The following CDYL variants were observed in gnomAD, a reference collection of about 807,000 sequenced individuals.
CDYL encodes chromodomain Y like.
CDYL carries 8 observed loss-of-function variants against 47.3 expected under a neutral mutation model. The ratio of observed to expected loss-of-function variants is 0.17; its 90% CI spans 0.10 to 0.31. The LOEUF is 0.31. CDYL is among the 10% of genes least tolerant of loss of function. The pLI, the probability that CDYL is intolerant of heterozygous loss-of-function variation, is 1.00. For synonymous variants in CDYL, 266 were observed against 265.0 expected, an observed-to-expected ratio of 1.00 and a Z score of -0.04; for missense variants, 471 against 701.4, an observed-to-expected ratio of 0.67 and a Z score of 3.71.
chr6:4,730,486 C>T (rs1219691739), intron 2 of CDYL, among the ~76,000 whole-genome samples: 4 of 151,884 alleles, frequency 2.6e-5, no homozygotes, highest in African/African-American at 9.7e-5. Context: ...ACCAGCCTGA[C>T]CAACATGGTG....
At chr6:4,845,531 T>A (rs747558546) in intron 1 of CDYL, among the ~76,000 whole-genome samples, 1 of 152,218 alleles carries the variant, frequency 6.6e-6, no homozygotes, top group Non-Finnish European at 1.5e-5. Flanking sequence ...TTATTAACAG[T>A]AGTGTTTAAC....
chr6:4,814,828 T>C (rs927251067), intron 1 of CDYL, among the ~76,000 whole-genome samples: 3 of 152,050 alleles, frequency 2.0e-5, no homozygotes, highest in Admixed American at 6.6e-5. Context: ...CAGCCCAAAT[T>C]TAGGATTGAG....
At chr6:4,931,325 G>A (rs1379635031) in intron 2 of CDYL, among the ~76,000 whole-genome samples, 1 of 152,196 alleles carries the variant, frequency 6.6e-6, no homozygotes, top group Non-Finnish European at 1.5e-5. Context: ...AAATAAACCA[G>A]GGTGATATGA....
At chr6:4,725,849 G>A (rs1757502905) in intron 2 of CDYL, among the ~76,000 whole-genome samples, 2 of 152,334 alleles carry the variant, frequency 1.3e-5, no homozygotes, top group South Asian at 2.1e-4. Flanking sequence ...AACAAACTCC[G>A]GACACGCTGT....
At chr6:4,725,251 G>C (rs892824469) in intron 2 of CDYL, among the ~76,000 whole-genome samples, 1 of 152,230 alleles carries the variant, frequency 6.6e-6, no homozygotes, top group Non-Finnish European at 1.5e-5. Context: ...AGAATCAGGA[G>C]CCCAGCTGGC....
intron 1 of CDYL, among the ~76,000 whole-genome samples, chr6:4,878,703 AAAT>A (rs1263614323): frequency 6.6e-6 from 1 of 151,978 alleles, no homozygotes; most frequent in Non-Finnish European, 1.5e-5. Flanking sequence ...ATATCAATTT[AAAT>A]AATATTCCAA....
chr6:4,801,695 C>T (rs1176424393), intron 1 of CDYL, among the ~76,000 whole-genome samples: 2 of 152,156 alleles, frequency 1.3e-5, no homozygotes, highest in Non-Finnish European at 2.9e-5. Flanking sequence ...ATGGACTTTT[C>T]TCTGTGGTTG....
intron 1 of CDYL, among the ~76,000 whole-genome samples, chr6:4,822,235 G>T (rs1451977731): frequency 6.6e-6 from 1 of 152,030 alleles, no homozygotes; most frequent in East Asian, 1.9e-4. Context: ...CTGGGCTCAG[G>T]TGATTCACCC....
chr6:4,940,094 A>G (rs1467779934), intron 4 of CDYL, among the ~76,000 whole-genome samples: 1 of 152,306 alleles, frequency 6.6e-6, no homozygotes, highest in East Asian at 1.9e-4. Flanking sequence ...AGATCCAGCC[A>G]GGTTTAAGTG....
intron 1 of CDYL, among the ~76,000 whole-genome samples, chr6:4,889,001 G>T (rs535851745): frequency 1.3e-5 from 2 of 152,264 alleles, no homozygotes; most frequent in African/African-American, 4.8e-5. Context: ...TTAGCATATG[G>T]TCTGTGCTGG....
In CDYL at chr6:4,943,533, T is replaced by C. The variant is rs1758422143; in HGVS notation, c.1122-13T>C. On this transcript the variant is annotated splice_polypyrimidine_tract_variant and intron_variant, in intron 4 of 6. Transcript: ENST00000397588. ...AATGTTTTGAGTAATTCCCCATTTA[T>C]TTTTCATTTTAGAAACTTCGTGAAT... 6.4e-7 allele frequency: 1 copy of C among 1,564,136 alleles called. No individual in the cohort carries two copies. The highest frequency in any genetic ancestry group is 1.7e-5 in the Admixed American group (1 of 58,416).
intron 1 of CDYL, among the ~76,000 whole-genome samples, chr6:4,868,632 A>G (rs531668042): frequency 7.4e-4 from 113 of 152,298 alleles, no homozygotes; most frequent in African/African-American, 2.6e-3. Flanking sequence ...TGGATGGACT[A>G]TAAATTTCAG....
chr6:4,937,418 C>A, intron 3 of CDYL, 147 bp from the exon 4 acceptor site: 1 of 538,484 alleles, frequency 1.9e-6, no homozygotes, highest in Non-Finnish European at 3.1e-6. Flanking sequence ...ATTGTTTGAG[C>A]CCAGGAGTTA....
chr6:4,935,787 G>T lies in CDYL; in HGVS notation c.948+16G>T. The T allele has an allele frequency of 6.2e-7, 1 of 1,611,646 alleles. No individual in the cohort carries two copies. The highest frequency in any genetic ancestry group is 8.5e-7 in the Non-Finnish European group (1 of 1,177,922). On this transcript the variant is annotated intron_variant, in intron 3 of 6. Transcript: ENST00000397588. ...AAATCCAGAGGTGAGAGGCGCTCTT[G>T]GGCTGGCGTGGGCTTCGCGCTTCTC...
At chr6:4,933,862 T>C (rs139866848) in intron 2 of CDYL, among the ~76,000 whole-genome samples, 7 of 152,300 alleles carry the variant, frequency 4.6e-5, no homozygotes, top group Non-Finnish European at 8.8e-5. Context: ...GACAAGTCAC[T>C]GAATAGTAGT....
At chr6:4,928,301 T>C (rs186853152) in intron 2 of CDYL, among the ~76,000 whole-genome samples, 1 of 152,342 alleles carries the variant, frequency 6.6e-6, no homozygotes, top group African/African-American at 2.4e-5. Context: ...TTTATGTTTC[T>C]TAGTACAATT....
At chr6:4,854,659 G>A (rs1760952960) in intron 1 of CDYL, among the ~76,000 whole-genome samples, 1 of 152,190 alleles carries the variant, frequency 6.6e-6, no homozygotes, top group South Asian at 2.1e-4. Context: ...CAAGGCTTGG[G>A]GGAAGCATGT....
At chr6:4,722,490 G>C (rs1757389470) in intron 2 of CDYL, among the ~76,000 whole-genome samples, 1 of 152,182 alleles carries the variant, frequency 6.6e-6, no homozygotes, top group South Asian at 2.1e-4. Flanking sequence ...CAAATACCAA[G>C]TAAAGATTTT....
At chr6:4,835,243 G>A (rs1295294449) in intron 1 of CDYL, among the ~76,000 whole-genome samples, 1 of 152,124 alleles carries the variant, frequency 6.6e-6, no homozygotes, top group African/African-American at 2.4e-5. Context: ...ATACAGATGG[G>A]TTTTTGGTGT....
Sources: allele counts gnomAD v4.1 joint callset (sites outside exome capture counted in the v4.1 genomes callset), GRCh38; gene constraint gnomAD v4.1.1; transcripts MANE v1.5; gene names NCBI Gene and HGNC (gene_info 2026-07-23, HGNC 2026-07-21).